The following CACNA2D3 variants were observed in gnomAD, a reference collection of about 807,000 sequenced individuals.
The protein encoded by CACNA2D3 is voltage-dependent calcium channel subunit alpha-2/delta-3.
In CACNA2D3, 60 loss-of-function variants were observed where a neutral mutation model predicts 160.6. The ratio of observed to expected loss-of-function variants is 0.37; its 90% CI spans 0.30 to 0.46. CACNA2D3 has a LOEUF of 0.46. Ranked by LOEUF, CACNA2D3 falls within the 20% of genes least tolerant of loss-of-function variation. CACNA2D3 has a pLI of 1.00. For synonymous variants in CACNA2D3, 558 were observed against 492.9 expected (o/e 1.13, Z -1.75); for missense variants, 1,205 against 1,365.0 (o/e 0.88, Z 1.85).
intron 4 of CACNA2D3, among the ~76,000 whole-genome samples, chr3:54,455,500 AT>A (rs1049928258): frequency 1.3e-5 from 2 of 151,534 alleles, no homozygotes; most frequent in African/African-American, 4.8e-5. Context: ...GTTTGCAGAT[AT>A]TTTTTTTCCC....
chr3:54,818,319 G>GACT (rs113688268), intron 14 of CACNA2D3, among the ~76,000 whole-genome samples: 4,124 of 152,196 alleles, frequency 0.027, 174 homozygotes, highest in African/African-American at 0.091. Flanking sequence ...GAATAGCTGG[G>GACT]ACAGACATGC....
chr3:54,301,411 C>T (rs766955720), intron 2 of CACNA2D3, among the ~76,000 whole-genome samples: 1 of 152,006 alleles, frequency 6.6e-6, no homozygotes, highest in African/African-American at 2.4e-5. Flanking sequence ...TGGCAATGAC[C>T]TATGATCATG....
At chr3:54,600,775 C>A (rs1364460483) in intron 9 of CACNA2D3, among the ~76,000 whole-genome samples, 1 of 151,998 alleles carries the variant, frequency 6.6e-6, no homozygotes, top group Non-Finnish European at 1.5e-5. Flanking sequence ...ATGTGAGCGT[C>A]TAATGAGCCG....
intron 11 of CACNA2D3, among the ~76,000 whole-genome samples, chr3:54,723,216 C>G (rs1454372665): frequency 6.6e-6 from 1 of 152,198 alleles, no homozygotes; most frequent in Non-Finnish European, 1.5e-5. Flanking sequence ...ACTCAAGCCT[C>G]AGCAATGGCG....
At position 55,074,227 on chromosome 3, in the gene CACNA2D3, TACTG is replaced by T. The variant is rs779615606; in HGVS notation, c.*27_*30del. 1.0e-6 allele frequency: 1 copy of T among 1,004,254 alleles called. No individual in the cohort carries two copies. Among genetic ancestry groups the T allele is most frequent in the Non-Finnish European group, 1.4e-6 (1 of 695,562 alleles). The allele number at this position is 1,004,254 out of a possible 1,614,324, so 62.2% of individuals were successfully genotyped here. A position where few individuals can be genotyped will look rare whatever the true frequency, so the allele number is the denominator to read the frequency against. ...GGTGACACTGACTGAGATGTTCTCT[TACTG>T]ACTGAGATGTTCTCTTGGCATGCTA... is the stretch of plus-strand genomic sequence containing the variant. On this transcript the variant is annotated 3_prime_UTR_variant, in exon 38 of 38. Coordinates refer to ENST00000474759, the MANE Select transcript of CACNA2D3 (RefSeq NM_018398.3).
chr3:54,912,801 T>G (rs1700587329), intron 27 of CACNA2D3, among the ~76,000 whole-genome samples: 2 of 152,152 alleles, frequency 1.3e-5, no homozygotes, highest in Admixed American at 6.5e-5. Context: ...TGTTCACTCC[T>G]TTAGCCTTAA....
chr3:54,905,704 A>G (rs147786115), intron 27 of CACNA2D3, among the ~76,000 whole-genome samples: 24 of 152,276 alleles, frequency 1.6e-4, no homozygotes, highest in African/African-American at 5.8e-4. Context: ...ACTGGCATCT[A>G]GTGGGTAGAG....
chr3:54,283,025 C>T (rs929866746), intron 2 of CACNA2D3, among the ~76,000 whole-genome samples: 3 of 152,044 alleles, frequency 2.0e-5, no homozygotes, highest in Non-Finnish European at 2.9e-5. Context: ...GAAGCAGTTT[C>T]GTACTTTACA....
chr3:54,283,117 A>G (rs1364458056), intron 2 of CACNA2D3, among the ~76,000 whole-genome samples: 3 of 152,216 alleles, frequency 2.0e-5, no homozygotes, highest in African/African-American at 7.2e-5. Context: ...TTGAAATGTG[A>G]TTATAATTAT....
At chr3:54,938,455 C>G (rs1401499366) in intron 27 of CACNA2D3, among the ~76,000 whole-genome samples, 1 of 152,184 alleles carries the variant, frequency 6.6e-6, no homozygotes, top group African/African-American at 2.4e-5. Context: ...TGGCACCATG[C>G]TAACATAATC....
At chr3:54,783,016 C>T (rs1427645162) in intron 13 of CACNA2D3, among the ~76,000 whole-genome samples, 1 of 152,044 alleles carries the variant, frequency 6.6e-6, no homozygotes, top group African/African-American at 2.4e-5. Flanking sequence ...GATGAGGAAG[C>T]TGAGGTTTAG....
At chr3:54,952,944 G>T (rs1701795840) in intron 27 of CACNA2D3, among the ~76,000 whole-genome samples, 2 of 152,292 alleles carry the variant, frequency 1.3e-5, no homozygotes, top group South Asian at 4.1e-4. Context: ...TTTTCATAGG[G>T]ATTTGAAGCC....
At chr3:54,570,425 T>G (rs1335145737) in intron 8 of CACNA2D3, among the ~76,000 whole-genome samples, 1 of 152,040 alleles carries the variant, frequency 6.6e-6, no homozygotes, top group Non-Finnish European at 1.5e-5. Flanking sequence ...TTAGCAAGAT[T>G]TTCACCAAAC....
intron 13 of CACNA2D3, among the ~76,000 whole-genome samples, chr3:54,803,390 G>A (rs2106677430): frequency 6.6e-6 from 1 of 152,290 alleles, no homozygotes; most frequent in South Asian, 2.1e-4. Flanking sequence ...TGAAAGCCAA[G>A]GCTCAAGAAC....
chr3:54,858,515 G>A (rs1699218390), intron 17 of CACNA2D3, among the ~76,000 whole-genome samples: 2 of 152,192 alleles, frequency 1.3e-5, no homozygotes, highest in South Asian at 2.1e-4. Flanking sequence ...ACAATAGCAG[G>A]CAGAACAGCT....
At chr3:54,442,834 G>A (rs1446994262) in intron 4 of CACNA2D3, among the ~76,000 whole-genome samples, 1 of 152,086 alleles carries the variant, frequency 6.6e-6, no homozygotes, top group Non-Finnish European at 1.5e-5. Context: ...AGAAACAGAG[G>A]GTCCTGTCGT....
At chr3:54,391,179 C>A (rs1559468803) in intron 4 of CACNA2D3, among the ~76,000 whole-genome samples, 2 of 152,160 alleles carry the variant, frequency 1.3e-5, no homozygotes, top group Non-Finnish European at 2.9e-5. Flanking sequence ...GAAGAATTTG[C>A]TTTTCGTTGG....
chr3:54,869,762 A>G (rs1366677422), intron 17 of CACNA2D3, among the ~76,000 whole-genome samples: 2 of 151,974 alleles, frequency 1.3e-5, no homozygotes, highest in Non-Finnish European at 2.9e-5. Context: ...GCTGCTGACA[A>G]CTCCGGTTGA....
chr3:54,812,604 G>A (rs529257884), intron 13 of CACNA2D3, among the ~76,000 whole-genome samples: 83 of 152,238 alleles, frequency 5.5e-4, no homozygotes, highest in Non-Finnish European at 9.6e-4. Flanking sequence ...ATAAGGAGTC[G>A]TGCCAGGATT....
Sources: allele counts gnomAD v4.1 joint callset (sites outside exome capture counted in the v4.1 genomes callset), GRCh38; gene constraint gnomAD v4.1.1; transcripts MANE v1.5; gene names NCBI Gene and HGNC (gene_info 2026-07-23, HGNC 2026-07-21).